BCOR: variants seen among roughly 807,000 people sequenced by gnomAD.
BCOR encodes BCL6 corepressor, also known as BCL-6 corepressor.
In BCOR, 10 loss-of-function variants were observed where a neutral mutation model predicts 86.7. That is an observed-to-expected ratio of 0.12 (90% CI 0.07 to 0.20). The LOEUF is 0.20. BCOR is among the 10% of genes least tolerant of loss of function. The pLI is 1.00. For missense variants in BCOR, 1,259 were observed against 1,452.1 expected, an observed-to-expected ratio of 0.87 and a Z score of 2.16; for synonymous variants, 611 against 609.0, an observed-to-expected ratio of 1.00 and a Z score of -0.05.
chrX:40,053,207 G>A (rs1176862661), intron 14 of BCOR, among the ~76,000 whole-genome samples: 2 of 112,079 alleles, frequency 1.8e-5, no homozygotes, highest in Non-Finnish European at 3.8e-5. Flanking sequence ...TGAGAAGGAA[G>A]GTGTTACATT....
chrX:40,137,452 G>A (rs765000897), intron 1 of BCOR, among the ~76,000 whole-genome samples: 1 of 109,977 alleles, frequency 9.1e-6, no homozygotes, highest in South Asian at 3.8e-4. Flanking sequence ...GGAGGCTGAG[G>A]CTGGAGAATC....
intron 1 of BCOR, chrX:40,146,591 C>G (rs1938060722): frequency 8.9e-6 from 1 of 112,590 alleles, no homozygotes; most frequent in Non-Finnish European, 1.9e-5. Flanking sequence ...ACAATGGCAG[C>G]GATCAGCAGC....
Position 40,074,666 on chromosome X carries a change from T to C in BCOR, c.680A>G (p.Tyr227Cys). The change falls in exon 4 of 15, where the codon TAC becomes TGC. Residue 227 changes from tyrosine to cysteine, a missense_variant. Transcript: ENST00000378444. The stretch of plus-strand genomic sequence containing the variant: ...AGAATACAGCGGCTGGGCCAAGCTG[T>C]AGGACTGCTGAGGTAGCAAGGCCTT... ...MYKALLPQQSYSLAQPLYSPV... is the reference protein window; with the variant it reads ...MYKALLPQQSCSLAQPLYSPV... 8.3e-7 allele frequency: 1 copy of C among 1,211,947 alleles called. No homozygotes were observed. Among genetic ancestry groups the C allele is most frequent in the Non-Finnish European group, 1.1e-6 (1 of 895,534 alleles).
intron 1 of BCOR, among the ~76,000 whole-genome samples, chrX:40,155,045 G>T (rs1938258731): frequency 9.0e-6 from 1 of 111,148 alleles, no homozygotes; most frequent in Non-Finnish European, 1.9e-5. Context: ...CCCGGGGCTG[G>T]GGGAGTAGCT....
chrX:40,168,759 T>C, intron 1 of BCOR, among the ~76,000 whole-genome samples: 1 of 113,453 alleles, frequency 8.8e-6, no homozygotes, highest in Admixed American at 9.2e-5. Context: ...CTCTCGCCTT[T>C]CATTACGGGG....
At chrX:40,084,710 C>CG (rs1555923365) in intron 1 of BCOR, among the ~76,000 whole-genome samples, 2 of 98,801 alleles carry the variant, frequency 2.0e-5, no homozygotes, top group Admixed American at 1.0e-4. Flanking sequence ...GCCACCCCCC[C>CG]CCACCACCAC....
chrX:40,090,415 G>C (rs1409253457), intron 1 of BCOR, among the ~76,000 whole-genome samples: 1 of 113,057 alleles, frequency 8.8e-6, no homozygotes, highest in Non-Finnish European at 1.9e-5. Context: ...CGAACGGGCA[G>C]GGTTTCCAGT....
At chrX:40,079,680 G>C (rs747441543) in intron 1 of BCOR, among the ~76,000 whole-genome samples, 2 of 111,807 alleles carry the variant, frequency 1.8e-5, no homozygotes, top group Non-Finnish European at 3.8e-5. Context: ...TCCAGACAGC[G>C]GCTCTTCCAG....
At chrX:40,064,680 C>T in intron 6 of BCOR, 81 bp from the exon 7 acceptor site, 1 of 1,076,610 alleles carries the variant, frequency 9.3e-7, no homozygotes, top group East Asian at 3.0e-5. Flanking sequence ...TGCGTGGGAC[C>T]ACCATGCCCA....
intron 1 of BCOR, among the ~76,000 whole-genome samples, chrX:40,150,665 C>T (rs777685526): frequency 1.8e-5 from 2 of 111,837 alleles, no homozygotes; most frequent in Non-Finnish European, 3.8e-5. Flanking sequence ...TGCTGCAGAT[C>T]CCCCCGGTGG....
rs780198066 is a variant in BCOR at position 40,073,515 on chromosome X, T to G, written c.1831A>C (p.Ser611Arg). ...GCTTTGGCGCCCTTGCTGCTGGTGC[T>G]GCTACTGTGCTTGGCAGGAGTGGCC... The part of the protein sequence containing the change: ...PPATPAKHSS[S>R]TSSKGAKASN... Residue 611 changes from serine (S) to arginine (R), a missense_variant, in exon 4 of 15, where the codon AGC becomes CGC. Ser to Arg is a moderately radical substitution (Grantham distance 110). Coordinates refer to ENST00000378444, the MANE Select transcript of BCOR (RefSeq NM_001123385.2). The G allele has an allele frequency of 8.2e-7, 1 of 1,212,577 alleles. No homozygotes were observed. The highest frequency in any genetic ancestry group is 2.2e-5 in the Admixed American group (1 of 46,184).
intron 1 of BCOR, among the ~76,000 whole-genome samples, chrX:40,129,453 C>T (rs1937580017): frequency 9.4e-6 from 1 of 106,793 alleles, no homozygotes; most frequent in Non-Finnish European, 1.9e-5. Flanking sequence ...CACTGCACTC[C>T]AGCCTGGCGA....
At position 40,057,046 on chromosome X, in the gene BCOR, C is replaced by G. The variant is rs759580873; in HGVS notation, c.4595+109G>C. ...CAGTGGTCAGTGTGCTTACAGTCACCCTCTGTCTTTCCTCCTGGAATTTCC... is the reference window on the plus strand; with the variant it reads ...CAGTGGTCAGTGTGCTTACAGTCACGCTCTGTCTTTCCTCCTGGAATTTCC... On this transcript the variant is annotated intron_variant, in intron 11 of 14. Coordinates refer to ENST00000378444, the MANE Select transcript of BCOR (RefSeq NM_001123385.2). 14 of 895,346 alleles carry G rather than the reference C, an allele frequency of 1.6e-5. No homozygotes were observed. The East Asian group carries it at 4.2e-4, about 27-fold the overall frequency. The allele number at this position is 895,346 out of a possible 1,213,427, so 73.8% of individuals were successfully genotyped here.
At chrX:40,166,368 AC>A (rs773269080) in intron 1 of BCOR, among the ~76,000 whole-genome samples, 34 of 111,585 alleles carry the variant, frequency 3.0e-4, no homozygotes, top group African/African-American at 1.1e-3. Flanking sequence ...CTGCCCCTTC[AC>A]CCCGGCTCTA....
chrX:40,145,210 G>C (rs1489497618), intron 1 of BCOR, among the ~76,000 whole-genome samples: 2 of 111,422 alleles, frequency 1.8e-5, no homozygotes, highest in African/African-American at 6.5e-5. Context: ...CCCACACTTT[G>C]GCAGGTCCCA....
At chrX:40,112,477 A>G (rs1238943387) in intron 1 of BCOR, among the ~76,000 whole-genome samples, 1 of 112,065 alleles carries the variant, frequency 8.9e-6, no homozygotes, top group Non-Finnish European at 1.9e-5. Flanking sequence ...TAAGGTAGGC[A>G]GAGTTATTAT....
At chrX:40,130,582 C>T (rs1398529604) in intron 1 of BCOR, among the ~76,000 whole-genome samples, 1 of 112,279 alleles carries the variant, frequency 8.9e-6, no homozygotes, top group Non-Finnish European at 1.9e-5. Flanking sequence ...GCAGCTGCTG[C>T]ATGTGAGGCT....
intron 1 of BCOR, among the ~76,000 whole-genome samples, chrX:40,167,842 A>AAT (rs764656447): frequency 6.6e-4 from 75 of 113,192 alleles, no homozygotes; most frequent in Non-Finnish European, 1.1e-3. Context: ...AAAATATGGT[A>AAT]ATGATCGATG....
rs1936956239 is a variant in BCOR at position 40,097,603 on chromosome X, C to T, written c.-429G>A. ...CAGCCCCGTGCGATCCTCCGGGCTCCCGCAGCTGGACTGGGCTTGGCCGAG... is the reference window on the plus strand; with the variant it reads ...CAGCCCCGTGCGATCCTCCGGGCTCTCGCAGCTGGACTGGGCTTGGCCGAG... On this transcript the variant is annotated 5_prime_UTR_variant, in exon 1 of 15. Transcript: ENST00000378444. Among the ~76,000 whole-genome samples the T allele has an allele frequency of 9.0e-6, 1 of 111,638 alleles. No homozygotes were observed. The highest frequency in any genetic ancestry group is 3.2e-5 in the African/African-American group (1 of 30,870).
Sources: allele counts gnomAD v4.1 joint callset (sites outside exome capture counted in the v4.1 genomes callset), GRCh38; gene constraint gnomAD v4.1.1; transcripts MANE v1.5; gene names NCBI Gene and HGNC (gene_info 2026-07-23, HGNC 2026-07-21).